ACSL5: variants seen among roughly 807,000 people sequenced by gnomAD.
The protein encoded by ACSL5 is long-chain-fatty-acid--CoA ligase 5.
A neutral mutation model predicts 84.9 loss-of-function variants in ACSL5; 50 were observed. The ratio of observed to expected loss-of-function variants is 0.59; its 90% CI spans 0.47 to 0.75. The LOEUF (loss-of-function observed/expected upper bound fraction) is 0.75. Ranked by LOEUF, ACSL5 falls within the 30% of genes least tolerant of loss-of-function variation. The pLI, the probability that ACSL5 is intolerant of heterozygous loss-of-function variation, is 0.00. For synonymous variants in ACSL5, 280 were observed against 300.7 expected, an observed-to-expected ratio of 0.93 and a Z score of 0.71; for missense variants, 775 against 830.4, an observed-to-expected ratio of 0.93 and a Z score of 0.82.
chr10:112,378,015 T>C (rs552268168), intron 1 of ACSL5, among the ~76,000 whole-genome samples: 1 of 152,216 alleles, frequency 6.6e-6, no homozygotes. Context: ...CCAGGCTATA[T>C]TGTAATTTTT....
In ACSL5 at chr10:112,410,597, A is replaced by G. The variant is rs759922822; in HGVS notation, c.758A>G (p.Glu253Gly). 1 of 1,614,086 alleles carries G rather than the reference A, an allele frequency of 6.2e-7. No individual in the cohort carries two copies. Among genetic ancestry groups the G allele is most frequent in the Non-Finnish European group, 8.5e-7 (1 of 1,180,020 alleles). The change falls in exon 9 of 21, where the codon GAA (glutamate) becomes GGA (glycine). Residue 253 changes from glutamate to glycine, a missense_variant. Transcript: ENST00000354655. ...TTCCTCCTCCAGCCTCCTAGCCCAG[A>G]AGACCTGAGCGTCATCTGCTTCACC... is the stretch of plus-strand genomic sequence containing the variant. ...HFRKPVPPSP[E>G]DLSVICFTSG...
At chr10:112,426,418 TG>T in intron 19 of ACSL5, 59 bp downstream of exon 19, 1 of 1,418,816 alleles carries the variant, frequency 7.0e-7, no homozygotes, top group Non-Finnish European at 9.9e-7. Flanking sequence ...GAGGAGAGGA[TG>T]CCTCACCAGT....
intron 9 of ACSL5, 64 bp from the exon 10 acceptor site, chr10:112,411,392 C>G: frequency 7.2e-7 from 1 of 1,394,814 alleles, no homozygotes; most frequent in Non-Finnish European, 1.0e-6. Context: ...TAGTTTCTTT[C>G]AAGGCCAAAG....
At chr10:112,376,194 A>G in intron 1 of ACSL5, 17 of 1,431,380 alleles carry the variant, frequency 1.2e-5, no homozygotes, top group Non-Finnish European at 1.6e-5. Flanking sequence ...GTGAAAAAAA[A>G]AATTAAAACC....
At position 112,394,923 on chromosome 10, in the gene ACSL5, A is replaced by AG; in HGVS notation, c.-24_-23insG. 6.2e-7 allele frequency: 1 copy of AG among 1,612,160 alleles called. No homozygotes were observed. ...TCCCCTGTTTTTTTTTTAAGGTCTG[A>AG]ATTTCCTGCTGCTGTTCACAAAGAT... On this transcript the variant is annotated 5_prime_UTR_variant, in exon 2 of 21. Transcript: ENST00000354655.
intron 1 of ACSL5, among the ~76,000 whole-genome samples, chr10:112,390,695 G>GATAT (rs1214126674): frequency 6.6e-6 from 1 of 151,050 alleles, no homozygotes; most frequent in Non-Finnish European, 1.5e-5. Context: ...TAGATAGATA[G>GATAT]ATAGAGTGTA....
intron 5 of ACSL5, among the ~76,000 whole-genome samples, chr10:112,405,873 G>A (rs1289099906): frequency 1.3e-5 from 2 of 152,112 alleles, no homozygotes; most frequent in Non-Finnish European, 2.9e-5. Context: ...AAGAGAAAAT[G>A]TATATACTAT....
rs756610461 is a variant in ACSL5, at chr10:112,409,617, T to G, written c.643T>G (p.Phe215Val). Residue 215 changes from phenylalanine to valine, a missense_variant, in exon 7 of 21, where the codon TTT (phenylalanine) becomes GTT (valine). Phe to Val is a conservative substitution (Grantham distance 50, BLOSUM62 -1). Transcript: ENST00000354655. Reference sequence around the variant, plus strand: ...GAAGGTGATCATCCTTATGGACCCCTTTGATGATGACCTGAAGCAAAGAGG... The same window carrying G: ...GAAGGTGATCATCCTTATGGACCCCGTTGATGATGACCTGAAGCAAAGAGG... ...SLKVIILMDP[F>V]DDDLKQRGEK... The G allele has an allele frequency of 6.2e-7, 1 of 1,614,128 alleles. No individual in the cohort carries two copies. Among genetic ancestry groups the G allele is most frequent in the Non-Finnish European group, 8.5e-7 (1 of 1,179,980 alleles).
intron 3 of ACSL5, among the ~76,000 whole-genome samples, 191 bp from the exon 4 acceptor site, chr10:112,404,320 A>G (rs1398315440): frequency 6.6e-6 from 1 of 152,170 alleles, no homozygotes; most frequent in Non-Finnish European, 1.5e-5. Context: ...TGTTTCAACT[A>G]TAGTTTATAG....
chr10:112,388,139 C>G (rs1589674263), intron 1 of ACSL5, among the ~76,000 whole-genome samples: 1 of 152,068 alleles, frequency 6.6e-6, no homozygotes, highest in South Asian at 2.1e-4. Flanking sequence ...GGGGTTTCGC[C>G]ATGTTGGCCA....
At chr10:112,391,041 G>C (rs1849551231) in intron 1 of ACSL5, among the ~76,000 whole-genome samples, 1 of 152,176 alleles carries the variant, frequency 6.6e-6, no homozygotes, top group African/African-American at 2.4e-5. Flanking sequence ...ACATTTTAAA[G>C]TGGTTAATTC....
intron 1 of ACSL5, among the ~76,000 whole-genome samples, chr10:112,386,338 C>T (rs947005470): frequency 2.6e-5 from 4 of 151,512 alleles, no homozygotes; most frequent in Non-Finnish European, 4.4e-5. Flanking sequence ...GGATTATAAG[C>T]GCACGCCACC....
At chr10:112,419,321 T>C (rs1258508477) in intron 14 of ACSL5, 1 of 152,210 alleles carries the variant, frequency 6.6e-6, no homozygotes, top group Non-Finnish European at 1.5e-5. Context: ...CATCTTTCTA[T>C]TGCTTATTGA....
chr10:112,413,358 G>T (rs757755386), intron 12 of ACSL5, 51 bp downstream of exon 12: 1 of 1,603,198 alleles, frequency 6.2e-7, no homozygotes, highest in African/African-American at 1.3e-5. Context: ...CTGCACGAAG[G>T]AACTCTGTAC....
At chr10:112,398,670 G>A (rs952149979) in intron 2 of ACSL5, among the ~76,000 whole-genome samples, 8 of 152,164 alleles carry the variant, frequency 5.3e-5, no homozygotes, top group African/African-American at 1.9e-4. Context: ...CTCCCAAAGT[G>A]CTGGGATTAC....
intron 3 of ACSL5, among the ~76,000 whole-genome samples, chr10:112,401,835 TCTTTCTTC>T (rs770969503): frequency 0.084 from 8,448 of 100,618 alleles, 244 homozygotes; most frequent in East Asian, 0.14. Flanking sequence ...TTTCTTTCTT[TCTTTCTTC>T]CTTCCTTCCT....
At chr10:112,410,063 T>C (rs768120095) in intron 7 of ACSL5, 46 of 416,840 alleles carry the variant, frequency 1.1e-4, no homozygotes, top group Non-Finnish European at 1.4e-4. Flanking sequence ...ATAAAAATAA[T>C]CACTACCTCA....
At chr10:112,392,634 G>C (rs1843669530) in intron 1 of ACSL5, among the ~76,000 whole-genome samples, 1 of 151,998 alleles carries the variant, frequency 6.6e-6, no homozygotes, top group African/African-American at 2.4e-5. Flanking sequence ...CCAGCTACTT[G>C]GGAGGCTGAG....
chr10:112,389,667 T>G (rs1390328431), intron 1 of ACSL5, among the ~76,000 whole-genome samples: 1 of 152,132 alleles, frequency 6.6e-6, no homozygotes, highest in Non-Finnish European at 1.5e-5. Flanking sequence ...GAGCTGTAGT[T>G]TGAGTCACAC....
Sources: gnomAD v4.1 joint callset for allele counts (sites outside exome capture counted in the v4.1 genomes callset) on GRCh38, gnomAD v4.1.1 for gene constraint, MANE v1.5 for transcripts, NCBI Gene and HGNC (gene_info 2026-07-23, HGNC 2026-07-21) for gene names.